The following ME3 variants were observed in gnomAD, a reference collection of about 807,000 sequenced individuals.
The protein encoded by ME3 is malic enzyme 3.
A neutral mutation model predicts 68.9 loss-of-function variants in ME3; 48 were observed. The observed-to-expected ratio is 0.70, with a 90% CI of 0.55 to 0.89. ME3 has a LOEUF of 0.89. ME3 is among the 40% of genes least tolerant of loss of function. The pLI is 0.00. For missense variants in ME3, 675 were observed against 797.4 expected, an observed-to-expected ratio of 0.85 and a Z score of 1.85; for synonymous variants, 320 against 318.8, an observed-to-expected ratio of 1.00 and a Z score of -0.04.
chr11:86,467,488 G>C (rs984716097), intron 7 of ME3, among the ~76,000 whole-genome samples: 10 of 152,148 alleles, frequency 6.6e-5, no homozygotes, highest in African/African-American at 2.4e-4. Flanking sequence ...TTTGGATTGG[G>C]TGGGGAGGAA....
chr11:86,633,531 G>A (rs1482749883), intron 2 of ME3, among the ~76,000 whole-genome samples: 1 of 152,200 alleles, frequency 6.6e-6, no homozygotes, highest in Non-Finnish European at 1.5e-5. Flanking sequence ...GAGGAGAAAT[G>A]TAATAAGAGA....
intron 7 of ME3, among the ~76,000 whole-genome samples, chr11:86,483,973 C>T (rs756188741): frequency 1.2e-4 from 18 of 152,262 alleles, no homozygotes; most frequent in Non-Finnish European, 1.8e-4. Context: ...AGGGAAAGAG[C>T]GGGAAGAGTG....
At chr11:86,449,349 T>C (rs561931839) in intron 10 of ME3, among the ~76,000 whole-genome samples, 1 of 152,322 alleles carries the variant, frequency 6.6e-6, no homozygotes, top group East Asian at 1.9e-4. Flanking sequence ...GCACTTACCA[T>C]GTGCCAGGCA....
chr11:86,627,827 G>A (rs1354889235), intron 2 of ME3, among the ~76,000 whole-genome samples: 1 of 152,228 alleles, frequency 6.6e-6, no homozygotes, highest in East Asian at 1.9e-4. Flanking sequence ...GGGGCAAGAG[G>A]CCTATGGGCT....
chr11:86,655,754 T>C (rs1336429385), intron 2 of ME3, among the ~76,000 whole-genome samples: 1 of 151,626 alleles, frequency 6.6e-6, no homozygotes, highest in African/African-American at 2.4e-5. Context: ...AAATGGAATC[T>C]AATTAAACTA....
chr11:86,510,452 G>A (rs1376312538), intron 4 of ME3, among the ~76,000 whole-genome samples: 1 of 152,016 alleles, frequency 6.6e-6, no homozygotes, highest in Non-Finnish European at 1.5e-5. Flanking sequence ...TCAAAAATCT[G>A]TACTATGCCA....
intron 2 of ME3, among the ~76,000 whole-genome samples, chr11:86,641,229 C>G (rs1319565092): frequency 6.6e-6 from 1 of 151,952 alleles, no homozygotes; most frequent in African/African-American, 2.4e-5. Flanking sequence ...AAGAAAAAAA[C>G]AGAAAACAGC....
intron 8 of ME3, among the ~76,000 whole-genome samples, chr11:86,461,545 C>T (rs1316177265): frequency 6.6e-6 from 1 of 152,130 alleles, no homozygotes; most frequent in Non-Finnish European, 1.5e-5. Flanking sequence ...GATGCAGGCC[C>T]CAAAGCCTCA....
chr11:86,630,248 C>G (rs1374133149), intron 2 of ME3, among the ~76,000 whole-genome samples: 3 of 152,108 alleles, frequency 2.0e-5, no homozygotes, highest in Non-Finnish European at 4.4e-5. Flanking sequence ...AGGGAAAAAG[C>G]AAGCAGCAGA....
At chr11:86,527,483 G>A (rs1201721743) in intron 4 of ME3, among the ~76,000 whole-genome samples, 1 of 152,122 alleles carries the variant, frequency 6.6e-6, no homozygotes, top group Non-Finnish European at 1.5e-5. Context: ...TAGTCAGGAA[G>A]GTCAACATTC....
chr11:86,499,281 C>G (rs1952565153), intron 5 of ME3, among the ~76,000 whole-genome samples: 2 of 152,132 alleles, frequency 1.3e-5, no homozygotes. Context: ...AGGAGTCAGA[C>G]TGTGAAAGAC....
At chr11:86,543,669 C>T (rs1956187331) in intron 4 of ME3, among the ~76,000 whole-genome samples, 1 of 152,170 alleles carries the variant, frequency 6.6e-6, no homozygotes. Flanking sequence ...TTCTTACAGA[C>T]CTACAAAGAG....
At position 86,465,210 on chromosome 11, in the gene ME3, G is replaced by T; in HGVS notation, c.810-10C>A. The stretch of plus-strand genomic sequence containing the variant: ...GCAATTTATTCCAAACCTGTGTGGA[G>T]GGAGAGGAAGAAACCCATGATTGCC... On this transcript the variant is annotated splice_polypyrimidine_tract_variant and intron_variant, in intron 7 of 14. Transcript: ENST00000543262. 1 of 1,593,452 alleles carries T rather than the reference G, an allele frequency of 6.3e-7. No individual in the cohort carries two copies.
intron 2 of ME3, among the ~76,000 whole-genome samples, chr11:86,667,085 T>G (rs1315164226): frequency 6.6e-6 from 1 of 152,230 alleles, no homozygotes; most frequent in East Asian, 1.9e-4. Flanking sequence ...CTTTGCAGGT[T>G]TACTGCTCTA....
intron 4 of ME3, among the ~76,000 whole-genome samples, chr11:86,510,988 A>C (rs76970809): frequency 0.012 from 1,822 of 152,218 alleles, 48 homozygotes; most frequent in African/African-American, 0.042. Flanking sequence ...AACAATTCCA[A>C]CCCCTTGAAA....
chr11:86,471,465 A>C (rs1462384842), intron 7 of ME3, among the ~76,000 whole-genome samples: 3 of 150,430 alleles, frequency 2.0e-5, no homozygotes, highest in Admixed American at 6.6e-5. Flanking sequence ...TCCTTGACAC[A>C]TCTCTTTCCC....
chr11:86,441,105 G>T, downstream of ME3: 1 of 519,872 alleles, frequency 1.9e-6, no homozygotes, highest in Non-Finnish European at 3.0e-6. Context: ...AACTCCCAGG[G>T]CCTTCAGAGA....
chr11:86,625,467 C>A (rs958937477), intron 2 of ME3, among the ~76,000 whole-genome samples: 4 of 152,130 alleles, frequency 2.6e-5, no homozygotes, highest in Non-Finnish European at 4.4e-5. Context: ...CACTCGCCTG[C>A]CAGCTCATGA....
rs1174596230 is a variant in ME3 at position 86,643,295 on chromosome 11, A to G, written c.183+28467T>C. On this transcript the variant is annotated intron_variant, in intron 2 of 14. Transcript: ENST00000543262. ...CTAAGGTTTAACTCTTCATGCAGGC[A>G]AACAGCAGCCCATGCCCCCTACCCA... Among the ~76,000 whole-genome samples the G allele has an allele frequency of 2.2e-4, 23 of 105,628 alleles. No individual in the cohort carries two copies. In the Admixed American group the frequency reaches 2.6e-3, roughly 12 times the overall value. The allele number at this position is 105,628 out of a possible 152,430, so 69.3% of individuals were successfully genotyped here. A position where few individuals can be genotyped will look rare whatever the true frequency, so the allele number is the denominator to read the frequency against.
Sources: allele counts gnomAD v4.1 joint callset (sites outside exome capture counted in the v4.1 genomes callset), GRCh38; gene constraint gnomAD v4.1.1; transcripts MANE v1.5; gene names NCBI Gene and HGNC (gene_info 2026-07-23, HGNC 2026-07-21).